N4BP2: variants seen among roughly 807,000 people sequenced by gnomAD.
N4BP2 encodes the protein NEDD4 binding protein 2.
Under a neutral mutation model 152.8 loss-of-function variants are expected in N4BP2, and 91 were observed. The ratio of observed to expected loss-of-function variants is 0.60; its 90% CI spans 0.50 to 0.71. The LOEUF is 0.71. N4BP2 is among the 30% of genes least tolerant of loss of function. The pLI, the probability that N4BP2 is intolerant of heterozygous loss-of-function variation, is 0.00. For synonymous variants in N4BP2, 646 were observed against 705.3 expected, an observed-to-expected ratio of 0.92 and a Z score of 1.33; for missense variants, 1,923 against 2,059.1, an observed-to-expected ratio of 0.93 and a Z score of 1.28.
chr4:40,124,385 C>T (rs539484513), intron 11 of N4BP2, among the ~76,000 whole-genome samples, 180 bp downstream of exon 11: 13 of 152,142 alleles, frequency 8.5e-5, no homozygotes, highest in Middle Eastern at 3.4e-3. Context: ...CTTGCTCTGT[C>T]GCCCAGGCTA....
rs890577363 is a variant in N4BP2 at position 40,126,034 on chromosome 4, A to C, written c.4331-100A>C. 4.2e-6 allele frequency: 3 copies of C among 715,560 alleles called. No individual in the cohort carries two copies. In the African/African-American group the frequency reaches 5.5e-5, roughly 13 times the overall value. 44.3% of individuals were successfully genotyped at this position (715,560 alleles called of 1,614,324 possible). A position where few individuals can be genotyped will look rare whatever the true frequency, so the allele number is the denominator to read the frequency against. On this transcript the variant is annotated intron_variant, in intron 11 of 17. Coordinates refer to ENST00000261435, the MANE Select transcript of N4BP2 (RefSeq NM_018177.6). Reference sequence around the variant, plus strand: ...TATATTTACAAACTGAAAATTAAAAAACTGTTTCCTTGGTCTCTGAGGTAA... The same window carrying C: ...TATATTTACAAACTGAAAATTAAAACACTGTTTCCTTGGTCTCTGAGGTAA...
rs906809674 is a variant in N4BP2, at chr4:40,157,504, G to A, written c.*3267G>A. Reference sequence around the variant, plus strand: ...TAATATTGAGATCGGTTATTTCTGAGCTGGAAATTGGAAACTTTGGAAACT... The same window carrying A: ...TAATATTGAGATCGGTTATTTCTGAACTGGAAATTGGAAACTTTGGAAACT... On this transcript the variant is annotated 3_prime_UTR_variant, in exon 18 of 18. Coordinates refer to ENST00000261435, the MANE Select transcript of N4BP2 (RefSeq NM_018177.6). 2.0e-4 allele frequency: 30 copies of A among 152,040 alleles called. No individual in the cohort carries two copies. Among genetic ancestry groups the A allele is most frequent in the Admixed American group, 4.6e-4 (7 of 15,262 alleles). The allele number at this position is 152,040 out of a possible 1,614,324, so 9.4% of individuals were successfully genotyped here.
At chr4:40,070,295 A>C (rs1712019654) in intron 1 of N4BP2, among the ~76,000 whole-genome samples, 2 of 152,174 alleles carry the variant, frequency 1.3e-5, no homozygotes, top group African/African-American at 4.8e-5. Flanking sequence ...TTTGACATTT[A>C]AAGATTTAGA....
intron 16 of N4BP2, among the ~76,000 whole-genome samples, chr4:40,147,941 C>A (rs1720753260): frequency 6.6e-6 from 1 of 150,844 alleles, no homozygotes; most frequent in South Asian, 2.1e-4. Context: ...GGCGGCCGGG[C>A]AGAGACGCTC....
At chr4:40,187,799 G>T in the N4BP2 span, among the ~76,000 whole-genome samples, 1 of 152,190 alleles carries the variant, frequency 6.6e-6, no homozygotes, top group South Asian at 2.1e-4. Context: ...TCTCACACAT[G>T]TCGTTCACAT....
intron 16 of N4BP2, among the ~76,000 whole-genome samples, chr4:40,147,330 G>A (rs536488823): frequency 4.4e-4 from 67 of 152,330 alleles, no homozygotes; most frequent in African/African-American, 1.3e-3. Flanking sequence ...CAGACACAGC[G>A]ACCATCCGAT....
At chr4:40,080,888 G>A (rs753088903) in intron 2 of N4BP2, among the ~76,000 whole-genome samples, 4 of 147,702 alleles carry the variant, frequency 2.7e-5, no homozygotes, top group Non-Finnish European at 4.5e-5. Context: ...GGATGGTCTC[G>A]ATCTCCTGAT....
chr4:40,103,511 G>A (rs1715910891), intron 4 of N4BP2, among the ~76,000 whole-genome samples: 1 of 152,160 alleles, frequency 6.6e-6, no homozygotes, highest in Admixed American at 6.5e-5. Flanking sequence ...TTGAGTGGGA[G>A]AAAGATGAGT....
the N4BP2 span, among the ~76,000 whole-genome samples, chr4:40,189,417 G>A: frequency 2.0e-5 from 3 of 152,156 alleles, no homozygotes; most frequent in East Asian, 5.8e-4. This position sits in a 1 kb window ranked among gnomAD's most constrained non-coding sequence, Gnocchi z 4.3. Flanking sequence ...GTGAAGTGGA[G>A]GAATGGGGCT....
rs1484895877 is a variant in N4BP2 at position 40,120,641 on chromosome 4, C to T, written c.2530C>T (p.Pro844Ser). ...AGATTGTGTCCAGCAACGAGGATCT[C>T]CACATGAAAGTGTAGAGGATGGCAG... ...NTDCVQQRGS[P>S]HESVEDGRKS... Residue 844 changes from proline to serine, a missense_variant, in exon 9 of 18, where the codon CCA (proline) becomes TCA (serine). Transcript: ENST00000261435. The T allele has an allele frequency of 1.2e-6, 2 of 1,613,966 alleles. No individual in the cohort carries two copies. Among genetic ancestry groups the T allele is most frequent in the Non-Finnish European group, 1.7e-6 (2 of 1,179,948 alleles).
intron 3 of N4BP2, chr4:40,099,985 G>GCAA: frequency 2.5e-6 from 1 of 399,368 alleles, no homozygotes; most frequent in South Asian, 1.7e-5. Flanking sequence ...TCTCCTAATT[G>GCAA]GTCTCTGCCA....
chr4:40,137,430 T>G (rs1469270720), intron 14 of N4BP2, among the ~76,000 whole-genome samples: 1 of 152,222 alleles, frequency 6.6e-6, no homozygotes, highest in East Asian at 1.9e-4. Context: ...TGCCAAATTT[T>G]TTCCCAAAGT....
chr4:40,122,326 T>C lies in N4BP2; in HGVS notation c.4198+17T>C. 1 of 1,489,832 alleles carries C rather than the reference T, an allele frequency of 6.7e-7. No homozygotes were observed. Among genetic ancestry groups the C allele is most frequent in the Non-Finnish European group, 9.1e-7 (1 of 1,101,006 alleles). The allele number at this position is 1,489,832 out of a possible 1,614,324, so 92.3% of individuals were successfully genotyped here. A position where few individuals can be genotyped will look rare whatever the true frequency, so the allele number is the denominator to read the frequency against. On this transcript the variant is annotated intron_variant, in intron 9 of 17. Transcript: ENST00000261435. ...TTGATTCAGGTAAGGAAAAAGTAAA[T>C]GACCATGTGTGTGTCTTTGTGTGAC...
At chr4:40,128,044 C>T (rs949237540) in intron 12 of N4BP2, among the ~76,000 whole-genome samples, 2 of 152,220 alleles carry the variant, frequency 1.3e-5, no homozygotes, top group Non-Finnish European at 2.9e-5. Context: ...ATAGAAGCTT[C>T]ACTTTGAATT....
intron 2 of N4BP2, among the ~76,000 whole-genome samples, chr4:40,074,074 G>A (rs1056715267): frequency 2.6e-5 from 4 of 151,988 alleles, no homozygotes; most frequent in Non-Finnish European, 4.4e-5. Context: ...TTACAGGCGT[G>A]AGCCACCGAG....
At chr4:40,187,437 T>G in the N4BP2 span, among the ~76,000 whole-genome samples, 1 of 152,176 alleles carries the variant, frequency 6.6e-6, no homozygotes, top group Admixed American at 6.5e-5. Context: ...GACTTCCTTG[T>G]GTTGGTTATA....
Position 40,097,492 on chromosome 4 carries a change from T to G in N4BP2, c.152T>G (p.Phe51Cys), listed in dbSNP as rs758076382. Residue 51 changes from phenylalanine (F) to cysteine (C), a missense_variant, in exon 3 of 18, where the codon TTC (phenylalanine) becomes TGC (cysteine). Physicochemically the swap from Phe to Cys is radical, Grantham distance 205 (BLOSUM62 -2). Coordinates refer to ENST00000261435, the MANE Select transcript of N4BP2 (RefSeq NM_018177.6). ...GETKVDQEEL[F>C]TSISEIFSDL... ...ACAAAAGTTGATCAGGAAGAACTCT[T>G]CACCAGTATCTCAGAGATATTTTCT... The G allele has an allele frequency of 7.4e-6, 12 of 1,613,928 alleles. No individual in the cohort carries two copies. Among genetic ancestry groups the G allele is most frequent in the Non-Finnish European group, 3.4e-6 (4 of 1,179,928 alleles).
At chr4:40,117,846 CTT>C in intron 7 of N4BP2, 21 bp from the exon 8 acceptor site, 2 of 1,576,286 alleles carry the variant, frequency 1.3e-6, no homozygotes, top group Non-Finnish European at 1.7e-6. Context: ...TCCTTCAACC[CTT>C]TTTTCCCCTG....
chr4:40,110,168 G>A (rs573596316), intron 5 of N4BP2, among the ~76,000 whole-genome samples: 18 of 152,188 alleles, frequency 1.2e-4, no homozygotes, highest in Non-Finnish European at 2.4e-4. Flanking sequence ...TTATATGGAT[G>A]AGTAAGATTC....
Sources: gnomAD v4.1 joint callset for allele counts (sites outside exome capture counted in the v4.1 genomes callset) on GRCh38, gnomAD v4.1.1 for gene constraint, Gnocchi (gnomAD v3.1) non-coding constraint, MANE v1.5 for transcripts, NCBI Gene and HGNC (gene_info 2026-07-23, HGNC 2026-07-21) for gene names.